Variants in AUTS2 observed in about 807,000 individuals in gnomAD.
The protein encoded by AUTS2 is autism susceptibility gene 2 protein.
AUTS2 carries 17 observed loss-of-function variants against 112.4 expected under a neutral mutation model. The ratio of observed to expected loss-of-function variants is 0.15; its 90% CI spans 0.10 to 0.23. The LOEUF (loss-of-function observed/expected upper bound fraction) is 0.23. AUTS2 is among the 10% of genes least tolerant of loss of function. The pLI is 1.00. For missense variants in AUTS2, 1,510 were observed against 1,701.6 expected, an observed-to-expected ratio of 0.89 and a Z score of 1.98; for synonymous variants, 751 against 702.7, an observed-to-expected ratio of 1.07 and a Z score of -1.09.
chr7:70,755,159 A>G (rs779757242), intron 6 of AUTS2, among the ~76,000 whole-genome samples: 10 of 152,142 alleles, frequency 6.6e-5, no homozygotes, highest in Non-Finnish European at 1.3e-4. Flanking sequence ...CTGTAGTCCC[A>G]TCTCCTCAGG....
At chr7:70,163,344 T>TGGGGGGGGGG (rs869280939) in intron 4 of AUTS2, among the ~76,000 whole-genome samples, 1 of 2,796 alleles carries the variant, frequency 3.6e-4, no homozygotes, top group Non-Finnish European at 1.4e-3. Flanking sequence ...GTTGTGGTGG[T>TGGGGGGGGGG]GGGGGGGGGG....
At chr7:70,169,094 A>G (rs1216123756) in intron 4 of AUTS2, among the ~76,000 whole-genome samples, 1 of 152,192 alleles carries the variant, frequency 6.6e-6, no homozygotes, top group African/African-American at 2.4e-5. Flanking sequence ...AAACAGGCTC[A>G]GGGCTTAGGG....
At chr7:70,193,227 C>A (rs1379806370) in intron 4 of AUTS2, among the ~76,000 whole-genome samples, 1 of 152,142 alleles carries the variant, frequency 6.6e-6, no homozygotes, top group East Asian at 1.9e-4. Flanking sequence ...CAACTCTGAG[C>A]CTTTCTTGGT....
intron 4 of AUTS2, among the ~76,000 whole-genome samples, chr7:70,431,396 G>A (rs564126751): frequency 6.6e-6 from 1 of 151,610 alleles, no homozygotes; most frequent in Non-Finnish European, 1.5e-5. Flanking sequence ...TGTTTTTTTT[G>A]TTTGTTTGTT....
At chr7:70,769,663 C>T (rs868373847) in intron 10 of AUTS2, among the ~76,000 whole-genome samples, 17 of 152,062 alleles carry the variant, frequency 1.1e-4, no homozygotes, top group South Asian at 2.1e-4. Context: ...CCTGCCTGGG[C>T]GACTGAGCAA....
intron 5 of AUTS2, among the ~76,000 whole-genome samples, chr7:70,547,060 A>G (rs191693670): frequency 6.6e-6 from 1 of 152,306 alleles, no homozygotes; most frequent in East Asian, 1.9e-4. Context: ...GTGATTTTTT[A>G]GTAAATTTAT....
At chr7:70,487,236 C>G (rs112943288) in intron 5 of AUTS2, among the ~76,000 whole-genome samples, 1 of 152,126 alleles carries the variant, frequency 6.6e-6, no homozygotes, top group Admixed American at 6.5e-5. Context: ...CCCGCGCCCC[C>G]CTCCCAGCCA....
intron 4 of AUTS2, among the ~76,000 whole-genome samples, chr7:70,146,002 CTTG>C (rs1461957301): frequency 6.6e-6 from 1 of 152,098 alleles, no homozygotes; most frequent in Non-Finnish European, 1.5e-5. Flanking sequence ...TCTAAAATCA[CTTG>C]TTATTTATCT....
chr7:69,642,168 C>CTTTGTTCA (rs1310455886), intron 1 of AUTS2, among the ~76,000 whole-genome samples: 1 of 152,130 alleles, frequency 6.6e-6, no homozygotes, highest in Non-Finnish European at 1.5e-5. Flanking sequence ...GGTTAAATGG[C>CTTTGTTCA]TTTGTTCATT....
chr7:69,930,050 C>T (rs1796169229), intron 2 of AUTS2, among the ~76,000 whole-genome samples: 2 of 152,178 alleles, frequency 1.3e-5, no homozygotes, highest in South Asian at 4.1e-4. Context: ...TGGAAAAGAG[C>T]TTAGTCTAGG....
intron 1 of AUTS2, among the ~76,000 whole-genome samples, chr7:69,761,522 G>C (rs1344611329): frequency 6.6e-6 from 1 of 152,092 alleles, no homozygotes; most frequent in Non-Finnish European, 1.5e-5. Flanking sequence ...TCATCTTTCT[G>C]TGTGATTTGT....
At chr7:69,607,801 A>G (rs998897210) in intron 1 of AUTS2, among the ~76,000 whole-genome samples, 12 of 152,256 alleles carry the variant, frequency 7.9e-5, no homozygotes, top group Non-Finnish European at 1.2e-4. Flanking sequence ...AAAATTGCTA[A>G]TGCAAGTTGG....
At chr7:69,941,306 T>A (rs777943513) in intron 2 of AUTS2, among the ~76,000 whole-genome samples, 21 of 152,138 alleles carry the variant, frequency 1.4e-4, no homozygotes, top group Non-Finnish European at 2.6e-4. Context: ...CTATAAGGAA[T>A]TGCCACTTGG....
intron 1 of AUTS2, among the ~76,000 whole-genome samples, chr7:69,604,802 T>C (rs533996249): frequency 2.4e-4 from 36 of 152,378 alleles, no homozygotes; most frequent in African/African-American, 8.4e-4. Context: ...TAGTGTGGCC[T>C]TTGAAAGTTA....
chr7:69,838,763 A>G (rs947714821), intron 1 of AUTS2, among the ~76,000 whole-genome samples: 4 of 152,210 alleles, frequency 2.6e-5, no homozygotes, highest in Non-Finnish European at 4.4e-5. Context: ...TAAGTGGGAT[A>G]GGCCAGGCAT....
intron 5 of AUTS2, among the ~76,000 whole-genome samples, chr7:70,690,349 T>A (rs1808692454): frequency 6.6e-6 from 1 of 152,218 alleles, no homozygotes; most frequent in Non-Finnish European, 1.5e-5. Context: ...CGAGGCTAGT[T>A]GGAGTTATCA....
At chr7:70,529,765 AG>A (rs1164966278) in intron 5 of AUTS2, among the ~76,000 whole-genome samples, 2 of 152,154 alleles carry the variant, frequency 1.3e-5, no homozygotes, top group Non-Finnish European at 2.9e-5. Context: ...TTCTCCTTCT[AG>A]GGGGTGGGAT....
chr7:70,057,945 C>G (rs1037164662), intron 2 of AUTS2, among the ~76,000 whole-genome samples: 1 of 152,114 alleles, frequency 6.6e-6, no homozygotes, highest in African/African-American at 2.4e-5. Context: ...CATGGTAAGA[C>G]AGTGATACGA....
chr7:70,607,560 T>C (rs1803850459), intron 5 of AUTS2, among the ~76,000 whole-genome samples: 1 of 152,152 alleles, frequency 6.6e-6, no homozygotes, highest in African/African-American at 2.4e-5. Context: ...TGCTGGGTGA[T>C]TTCTACCTGT....
Sources: gnomAD v4.1 joint callset for allele counts (sites outside exome capture counted in the v4.1 genomes callset) on GRCh38, gnomAD v4.1.1 for gene constraint, MANE v1.5 for transcripts, NCBI Gene and HGNC (gene_info 2026-07-23, HGNC 2026-07-21) for gene names.